ZNF697: variants seen among roughly 807,000 people sequenced by gnomAD.
The protein encoded by ZNF697 is zinc finger protein 697.
ZNF697 carries 23 observed loss-of-function variants against 32.4 expected under a neutral mutation model. The ratio of observed to expected loss-of-function variants is 0.71; its 90% CI spans 0.51 to 1.01. The LOEUF (loss-of-function observed/expected upper bound fraction) is 1.01. Among genes scored for constraint, ZNF697 ranks in the 50% least tolerant of loss-of-function variants. The probability of loss-of-function intolerance (pLI) is 0.00; values close to 1 mark genes in which losing one functional copy is unlikely to be tolerated. For synonymous variants in ZNF697, 418 were observed against 337.2 expected, an observed-to-expected ratio of 1.24 and a Z score of -2.62; for missense variants, 930 against 794.0, an observed-to-expected ratio of 1.17 and a Z score of -2.06.
chr1:119,643,420 A>G (rs1212917724), intron 1 of ZNF697, among the ~76,000 whole-genome samples: 6 of 152,116 alleles, frequency 3.9e-5, no homozygotes, highest in Non-Finnish European at 8.8e-5. Flanking sequence ...AGTTCTCTGC[A>G]CCCTTGAGGT....
chr1:119,632,556 C>T (rs1454138462), intron 1 of ZNF697, among the ~76,000 whole-genome samples: 1 of 152,228 alleles, frequency 6.6e-6, no homozygotes, highest in Non-Finnish European at 1.5e-5. Flanking sequence ...TGGGTCAGCA[C>T]CAGTTTGAGG....
chr1:119,641,427 A>C (rs587751437), intron 1 of ZNF697, among the ~76,000 whole-genome samples: 4 of 152,338 alleles, frequency 2.6e-5, no homozygotes, highest in South Asian at 4.1e-4. Flanking sequence ...GGTGGGGAGA[A>C]AATGTTTGCA....
At chr1:119,634,430 T>C (rs1648868230) in intron 1 of ZNF697, among the ~76,000 whole-genome samples, 1 of 152,234 alleles carries the variant, frequency 6.6e-6, no homozygotes, top group South Asian at 2.1e-4. Context: ...TCTGCCAAGA[T>C]ATCTTCCAAA....
chr1:119,643,144 T>C (rs914622085), intron 1 of ZNF697, among the ~76,000 whole-genome samples: 3 of 152,248 alleles, frequency 2.0e-5, no homozygotes, highest in African/African-American at 7.2e-5. Context: ...AGACCATGTA[T>C]ATCTGAAGTA....
intron 1 of ZNF697, among the ~76,000 whole-genome samples, chr1:119,647,068 T>A (rs1384358494): frequency 1.9e-5 from 2 of 106,704 alleles, no homozygotes; most frequent in Admixed American, 2.2e-4. Context: ...GGTGATTCAC[T>A]CCTGTGGGGG....
At position 119,622,930 on chromosome 1, in the gene ZNF697, C is replaced by T. The variant is rs760215862; in HGVS notation, c.1413G>A (p.Glu471=). The change falls in exon 3 of 3, where the codon GAG becomes GAA. Residue 471 remains glutamate, a synonymous_variant. Transcript: ENST00000421812. ...GEKPFRCGQC[E]KRFSDFSTLT... is the part of the protein sequence containing the mutation. ...GCGTGGAGAAGTCGCTGAAGCGCTT[C>T]TCGCACTGGCCACAGCGGAAGGGCT... 3.7e-6 allele frequency: 6 copies of T among 1,601,426 alleles called. No homozygotes were observed. The South Asian group carries it at 6.7e-5, about 18-fold the overall frequency.
chr1:119,640,037 T>C (rs1164842125), intron 1 of ZNF697, among the ~76,000 whole-genome samples: 1 of 152,220 alleles, frequency 6.6e-6, no homozygotes, highest in African/African-American at 2.4e-5. Flanking sequence ...AGAATTATTA[T>C]TATTTTTTCA....
At chr1:119,635,313 G>A (rs587767981) in intron 1 of ZNF697, among the ~76,000 whole-genome samples, 1 of 152,306 alleles carries the variant, frequency 6.6e-6, no homozygotes, top group African/African-American at 2.4e-5. Flanking sequence ...GAGCTCATGG[G>A]AAGTGGGAGA....
intron 1 of ZNF697, among the ~76,000 whole-genome samples, chr1:119,647,384 G>A (rs1649241535): frequency 6.6e-6 from 1 of 152,156 alleles, no homozygotes; most frequent in Admixed American, 6.5e-5. Flanking sequence ...GCCTCCCGGG[G>A]CTAGACGGCC....
chr1:119,631,410 G>A (rs1648763345), intron 1 of ZNF697, among the ~76,000 whole-genome samples: 3 of 152,222 alleles, frequency 2.0e-5, no homozygotes, highest in African/African-American at 4.8e-5. Flanking sequence ...CCCAGGCGGC[G>A]TCTCTCTCAG....
At chr1:119,627,130 CCAAA>C (rs1410687744) in intron 1 of ZNF697, among the ~76,000 whole-genome samples, 2 of 152,204 alleles carry the variant, frequency 1.3e-5, no homozygotes, top group Non-Finnish European at 2.9e-5. Context: ...CTCCAGGCAG[CCAAA>C]CAGTTTCTAG....
At chr1:119,631,650 T>C (rs1648779238) in intron 1 of ZNF697, among the ~76,000 whole-genome samples, 1 of 151,614 alleles carries the variant, frequency 6.6e-6, no homozygotes. Flanking sequence ...GGCGGAGGAG[T>C]CATGTGCCGC....
In ZNF697 at chr1:119,622,831, C is replaced by T. The variant is rs758980877; in HGVS notation, c.1512G>A (p.Gln504=). The T allele has an allele frequency of 6.2e-7, 1 of 1,604,882 alleles. No individual in the cohort carries two copies. The highest frequency in any genetic ancestry group is 1.7e-5 in the Admixed American group (1 of 58,810). ...GGCGGTGGCGGATCAGGTGGGAGCT[C>T]TGGATAAAGCTCTTGCCGCACTCGA... ...TCIECGKSFI[Q]SSHLIRHRRI... The change falls in exon 3 of 3, where the codon CAG becomes CAA. Residue 504 remains glutamine (Q), a synonymous_variant. Transcript: ENST00000421812.
chr1:119,637,638 T>G (rs1259171032), intron 1 of ZNF697, among the ~76,000 whole-genome samples: 1 of 152,214 alleles, frequency 6.6e-6, no homozygotes, highest in African/African-American at 2.4e-5. Flanking sequence ...TTTTTCTTGT[T>G]TTCTTCCTGA....
chr1:119,626,195 G>T, intron 1 of ZNF697, 58 bp from the exon 2 acceptor site: 1 of 1,542,274 alleles, frequency 6.5e-7, no homozygotes. Flanking sequence ...CCCTCACCAC[G>T]CCCAGCCTTA....
At chr1:119,625,564 G>A (rs185855144) in intron 2 of ZNF697, among the ~76,000 whole-genome samples, 135 of 152,318 alleles carry the variant, frequency 8.9e-4, no homozygotes, top group Admixed American at 2.5e-3. Context: ...ACACTGTGAG[G>A]TAGATTCTAT....
rs1300624296 is a variant in ZNF697 at position 119,622,220 on chromosome 1, G to C, written c.*485C>G. On this transcript the variant is annotated 3_prime_UTR_variant, in exon 3 of 3. Transcript: ENST00000421812. Reference sequence around the variant, plus strand: ...GACAAGGTTCCCCTACTTTTTGTGAGACAACAGGTGATGTGTGGAGATCGG... The same window carrying C: ...GACAAGGTTCCCCTACTTTTTGTGACACAACAGGTGATGTGTGGAGATCGG... 1 of 154,482 alleles carries C rather than the reference G, an allele frequency of 6.5e-6. No homozygotes were observed. Among genetic ancestry groups the C allele is most frequent in the African/African-American group, 2.4e-5 (1 of 41,428 alleles). The allele number at this position is 154,482 out of a possible 1,614,324, so 9.6% of individuals were successfully genotyped here. A position where few individuals can be genotyped will look rare whatever the true frequency, so the allele number is the denominator to read the frequency against.
rs376760973 is a variant in ZNF697 at position 119,624,040 on chromosome 1, C to T, written c.303G>A (p.Ala101=). Residue 101 remains alanine, a synonymous_variant, in exon 3 of 3, where the codon GCG becomes GCA. Coordinates refer to ENST00000421812, the MANE Select transcript of ZNF697 (RefSeq NM_001080470.2). The part of the protein sequence containing the change: ...EDDQSGVADM[A]MFPGLSESDS... ...CAGACTCAGACAGTCCTGGGAACAT[C>T]GCCATGTCAGCTACACCGGATTGGT... The T allele has an allele frequency of 1.9e-6, 3 of 1,612,386 alleles. No homozygotes were observed. Among genetic ancestry groups the T allele is most frequent in the South Asian group, 1.1e-5 (1 of 90,782 alleles).
At chr1:119,634,559 A>T (rs1329458498) in intron 1 of ZNF697, among the ~76,000 whole-genome samples, 1 of 152,256 alleles carries the variant, frequency 6.6e-6, no homozygotes, top group African/African-American at 2.4e-5. Context: ...GCATACACTT[A>T]AAAACAGGTT....
Sources: gnomAD v4.1 joint callset for allele counts (sites outside exome capture counted in the v4.1 genomes callset) on GRCh38, gnomAD v4.1.1 for gene constraint, MANE v1.5 for transcripts, NCBI Gene and HGNC (gene_info 2026-07-23, HGNC 2026-07-21) for gene names.